TAFA1: variants seen among roughly 807,000 people sequenced by gnomAD.
TAFA1 encodes the protein chemokine-like protein TAFA-1.
Under a neutral mutation model 18.5 loss-of-function variants are expected in TAFA1, and 4 were observed. That is an observed-to-expected ratio of 0.22 (90% CI 0.11 to 0.49). The LOEUF (loss-of-function observed/expected upper bound fraction) is 0.49. TAFA1 is among the 20% of genes least tolerant of loss of function. The pLI is 0.98. For missense variants in TAFA1, 147 were observed against 169.0 expected (o/e 0.87, Z 0.72); for synonymous variants, 56 against 55.2 (o/e 1.01, Z -0.06).
intron 2 of TAFA1, among the ~76,000 whole-genome samples, chr3:68,123,851 T>C (rs1214045995): frequency 1.7e-5 from 2 of 115,586 alleles, no homozygotes; most frequent in Non-Finnish European, 3.3e-5. Flanking sequence ...GAGTTTATAC[T>C]CTGACAAAGA....
At chr3:68,370,286 CAAAAAAAAAAAAAAAAAAA>C (rs71618234) in intron 2 of TAFA1, among the ~76,000 whole-genome samples, 12 of 10,840 alleles carry the variant, frequency 1.1e-3, no homozygotes, top group Non-Finnish European at 1.6e-3. Context: ...GACCCCATCT[CAAAAAAAAAAAAAAAAAAA>C]AAAAAAAAAA....
intron 2 of TAFA1, among the ~76,000 whole-genome samples, chr3:68,195,707 C>T (rs1057123572): frequency 6.6e-6 from 1 of 151,694 alleles, no homozygotes; most frequent in Non-Finnish European, 1.5e-5. Flanking sequence ...TCAGCCATCC[C>T]TAGTATGATC....
chr3:68,092,568 G>A (rs1230978997), intron 2 of TAFA1, among the ~76,000 whole-genome samples: 1 of 152,096 alleles, frequency 6.6e-6, no homozygotes, highest in Non-Finnish European at 1.5e-5. Context: ...AAAATAGGAA[G>A]GAAAGTGAGT....
At chr3:68,231,614 C>G (rs1318575008) in intron 2 of TAFA1, among the ~76,000 whole-genome samples, 1 of 152,000 alleles carries the variant, frequency 6.6e-6, no homozygotes, top group Non-Finnish European at 1.5e-5. Context: ...CCCGCCTCGG[C>G]CTCCCAAAGC....
chr3:68,523,592 GT>G (rs983964109), intron 3 of TAFA1, among the ~76,000 whole-genome samples: 20 of 152,030 alleles, frequency 1.3e-4, no homozygotes, highest in African/African-American at 4.6e-4. Context: ...CATAAATATA[GT>G]ATCTGAATTT....
intron 3 of TAFA1, among the ~76,000 whole-genome samples, chr3:68,442,319 T>C (rs368301883): frequency 1.3e-5 from 2 of 152,060 alleles, no homozygotes; most frequent in African/African-American, 2.4e-5. Context: ...GGGTATTACA[T>C]GTCAAAGGGG....
chr3:68,174,644 G>A (rs963063836), intron 2 of TAFA1, among the ~76,000 whole-genome samples: 15 of 152,166 alleles, frequency 9.9e-5, no homozygotes, highest in Admixed American at 3.9e-4. Flanking sequence ...AAGCAGCAAA[G>A]CATTCAAGAG....
At chr3:68,413,965 G>A (rs189590622) in intron 2 of TAFA1, among the ~76,000 whole-genome samples, 7 of 152,174 alleles carry the variant, frequency 4.6e-5, no homozygotes, top group Admixed American at 1.3e-4. Context: ...TGCAGTAACC[G>A]TCAAAGTGAC....
chr3:68,054,422 G>A (rs183752211), intron 2 of TAFA1, among the ~76,000 whole-genome samples: 1 of 152,308 alleles, frequency 6.6e-6, no homozygotes, highest in Non-Finnish European at 1.5e-5. Flanking sequence ...AGTGGAAGCA[G>A]CCTGAGGCCC....
At chr3:68,025,950 C>T (rs1704805000) in intron 2 of TAFA1, among the ~76,000 whole-genome samples, 4 of 152,056 alleles carry the variant, frequency 2.6e-5, no homozygotes, top group South Asian at 2.1e-4. Flanking sequence ...GTAAGTTCCA[C>T]GAAGGCAGGG....
At chr3:68,046,735 AG>A (rs1202780804) in intron 2 of TAFA1, among the ~76,000 whole-genome samples, 1 of 152,164 alleles carries the variant, frequency 6.6e-6, no homozygotes, top group Non-Finnish European at 1.5e-5. Flanking sequence ...GGAGAGGTTA[AG>A]TAACTTCTTT....
intron 3 of TAFA1, among the ~76,000 whole-genome samples, chr3:68,480,740 C>A (rs936938379): frequency 2.0e-5 from 3 of 152,042 alleles, no homozygotes; most frequent in African/African-American, 7.2e-5. Flanking sequence ...TATAGGAATC[C>A]CTGTAAGTTT....
chr3:68,076,710 T>C (rs572575505), intron 2 of TAFA1, among the ~76,000 whole-genome samples: 43 of 152,414 alleles, frequency 2.8e-4, no homozygotes, highest in Admixed American at 2.0e-3. Flanking sequence ...TCTATCATTG[T>C]TGGACATTTG....
intron 2 of TAFA1, among the ~76,000 whole-genome samples, chr3:68,403,960 T>C (rs981667212): frequency 6.6e-6 from 1 of 152,190 alleles, no homozygotes; most frequent in Admixed American, 6.5e-5. Flanking sequence ...AAGACAGTCA[T>C]TGGCATCCCT....
intron 2 of TAFA1, among the ~76,000 whole-genome samples, chr3:68,225,539 C>T (rs1482256132): frequency 6.6e-6 from 1 of 152,104 alleles, no homozygotes; most frequent in African/African-American, 2.4e-5. Flanking sequence ...GCCCTCTCTA[C>T]CACAAGGTGT....
intron 2 of TAFA1, among the ~76,000 whole-genome samples, chr3:68,206,038 T>C (rs1004439368): frequency 6.6e-6 from 1 of 151,868 alleles, no homozygotes; most frequent in African/African-American, 2.4e-5. Context: ...CATGTGGAGA[T>C]TAAAATGATT....
intron 2 of TAFA1, among the ~76,000 whole-genome samples, chr3:68,182,316 A>G (rs2066214015): frequency 6.6e-6 from 1 of 152,178 alleles, no homozygotes; most frequent in East Asian, 1.9e-4. Context: ...TCATTTCTTT[A>G]TTCAGCAAGC....
chr3:68,365,511 A>G (rs900702626), intron 2 of TAFA1, among the ~76,000 whole-genome samples: 4 of 152,182 alleles, frequency 2.6e-5, no homozygotes, highest in African/African-American at 9.6e-5. Context: ...AATGAGAAGG[A>G]TGAGGAGTTA....
chr3:68,260,883 C>A (rs980600724), intron 2 of TAFA1, among the ~76,000 whole-genome samples: 2 of 151,940 alleles, frequency 1.3e-5, no homozygotes, highest in Non-Finnish European at 2.9e-5. Flanking sequence ...GTCTAAAACA[C>A]CAAAAGCAAT....
Sources: allele counts gnomAD v4.1 joint callset (sites outside exome capture counted in the v4.1 genomes callset), GRCh38; gene constraint gnomAD v4.1.1; transcripts MANE v1.5; gene names NCBI Gene and HGNC (gene_info 2026-07-23, HGNC 2026-07-21).